ENTPD6: variants seen among roughly 807,000 people sequenced by gnomAD.
ENTPD6 encodes the protein ectonucleoside triphosphate diphosphohydrolase 6.
Under a neutral mutation model 61.5 loss-of-function variants are expected in ENTPD6, and 46 were observed. The ratio of observed to expected loss-of-function variants is 0.75; its 90% CI spans 0.59 to 0.96. The LOEUF (loss-of-function observed/expected upper bound fraction) is 0.96. Ranked by LOEUF, ENTPD6 falls within the 40% of genes least tolerant of loss-of-function variation. The probability of loss-of-function intolerance (pLI) is 0.00; values close to 1 mark genes in which losing one functional copy is unlikely to be tolerated. For synonymous variants in ENTPD6, 252 were observed against 255.5 expected (o/e 0.99, Z 0.13); for missense variants, 612 against 629.0 (o/e 0.97, Z 0.29).
intron 1 of ENTPD6, among the ~76,000 whole-genome samples, chr20:25,205,254 A>G (rs955818346): frequency 6.6e-6 from 1 of 152,078 alleles, no homozygotes; most frequent in Non-Finnish European, 1.5e-5. Flanking sequence ...TGGTGGGTAA[A>G]GGGAGCTCAG....
intron 1 of ENTPD6, among the ~76,000 whole-genome samples, chr20:25,198,269 A>C (rs966291074): frequency 6.6e-6 from 1 of 152,132 alleles, no homozygotes; most frequent in Admixed American, 6.5e-5. Context: ...TGAGGTCAGG[A>C]GTTCGAGACC....
At chr20:25,202,444 T>A (rs1199674558) in intron 1 of ENTPD6, among the ~76,000 whole-genome samples, 1 of 152,236 alleles carries the variant, frequency 6.6e-6, no homozygotes, top group East Asian at 1.9e-4. Context: ...ATATATATTT[T>A]ATAGCTTTTT....
chr20:25,223,994 C>A, intron 12 of ENTPD6, 107 bp from the exon 13 acceptor site: 1 of 1,023,062 alleles, frequency 9.8e-7, no homozygotes, highest in South Asian at 1.5e-5. Flanking sequence ...AGAAGCCAGT[C>A]AGTGCCTTGG....
chr20:25,216,161 G>A (rs893314315), intron 7 of ENTPD6, among the ~76,000 whole-genome samples: 2 of 152,354 alleles, frequency 1.3e-5, no homozygotes, highest in Middle Eastern at 3.4e-3. Flanking sequence ...TTTTCTTAGT[G>A]CATGTGGATT....
At chr20:25,215,821 C>G in intron 7 of ENTPD6, 110 bp downstream of exon 7, 1 of 1,164,078 alleles carries the variant, frequency 8.6e-7, no homozygotes. Context: ...GATAACCCCT[C>G]AGGGTTTGGC....
intron 13 of ENTPD6, 73 bp downstream of exon 13, chr20:25,224,230 T>G: frequency 1.4e-6 from 2 of 1,398,714 alleles, no homozygotes; most frequent in Non-Finnish European, 2.0e-6. Context: ...GCGCTGGCCC[T>G]GACTCTCCTG....
chr20:25,214,137 G>A (rs1432250046), intron 5 of ENTPD6, among the ~76,000 whole-genome samples: 49 of 152,158 alleles, frequency 3.2e-4, no homozygotes, highest in Admixed American at 2.7e-3. Context: ...GTCCCAGCAC[G>A]TCAGGGCCAA....
intron 5 of ENTPD6, among the ~76,000 whole-genome samples, chr20:25,214,259 C>T (rs1169327471): frequency 6.6e-6 from 1 of 152,230 alleles, no homozygotes; most frequent in African/African-American, 2.4e-5. Flanking sequence ...GGGTCCCTCA[C>T]AGGGTTGGAT....
At chr20:25,220,018 G>T (rs1040786232) in intron 10 of ENTPD6, among the ~76,000 whole-genome samples, 1 of 152,196 alleles carries the variant, frequency 6.6e-6, no homozygotes, top group Non-Finnish European at 1.5e-5. Context: ...GTGGTTCCCA[G>T]GGAGTCGTGG....
chr20:25,196,109 C>T (rs2090372591), intron 1 of ENTPD6: 1 of 1,146,816 alleles, frequency 8.7e-7, no homozygotes. Flanking sequence ...TAGCAGGGGC[C>T]TGTAGCCCCA....
chr20:25,217,672 C>A, intron 9 of ENTPD6, 91 bp downstream of exon 9: 1 of 1,100,332 alleles, frequency 9.1e-7, no homozygotes, highest in Non-Finnish European at 1.4e-6. Flanking sequence ...TCATGGATGG[C>A]AGATCTGGGA....
chr20:25,215,717 TG>T lies in ENTPD6; in HGVS notation c.709+7del. 1 of 1,614,196 alleles carries T rather than the reference TG, an allele frequency of 6.2e-7. No homozygotes were observed. The highest frequency in any genetic ancestry group is 8.5e-7 in the Non-Finnish European group (1 of 1,180,010). On this transcript the variant is annotated splice_region_variant and intron_variant, in intron 7 of 14. Coordinates refer to ENST00000376652, the MANE Select transcript of ENTPD6 (RefSeq NM_001247.5). ...CACCATCAACTTCCTGACAGGTGTGTGCACACTGCATCACAGAGGCTAGCCG... is the reference window on the plus strand; with the variant it reads ...CACCATCAACTTCCTGACAGGTGTGTCACACTGCATCACAGAGGCTAGCCG...
chr20:25,206,687 C>A, intron 2 of ENTPD6, 97 bp downstream of exon 2: 1 of 918,542 alleles, frequency 1.1e-6, no homozygotes, highest in East Asian at 2.4e-5. Flanking sequence ...GATTGAAAGA[C>A]TGAATCAGAT....
intron 2 of ENTPD6, 138 bp from the exon 3 acceptor site, chr20:25,206,938 A>G: frequency 1.3e-6 from 1 of 765,178 alleles, no homozygotes; most frequent in Non-Finnish European, 2.1e-6. Context: ...ATGAGGCTCA[A>G]ATGAAGCTTC....
intron 1 of ENTPD6, among the ~76,000 whole-genome samples, chr20:25,204,151 G>A (rs2091271206): frequency 6.6e-6 from 1 of 152,194 alleles, no homozygotes; most frequent in Non-Finnish European, 1.5e-5. Context: ...TTCTGGAATT[G>A]GGGTTTGGTG....
rs1458286590 is a variant in ENTPD6, at chr20:25,218,539, C to G, written c.879-11C>G. 6.2e-7 allele frequency: 1 copy of G among 1,600,842 alleles called. No homozygotes were observed. Among genetic ancestry groups the G allele is most frequent in the Non-Finnish European group, 8.5e-7 (1 of 1,175,988 alleles). On this transcript the variant is annotated splice_polypyrimidine_tract_variant and intron_variant, in intron 9 of 14. Coordinates refer to ENST00000376652, the MANE Select transcript of ENTPD6 (RefSeq NM_001247.5). ...ATGGCAGCTGCCCTCACTGAGGTGT[C>G]ATTCCCACAGCTACCTCGGGCTCGG...
chr20:25,206,492 A>G, intron 1 of ENTPD6, 30 bp from the exon 2 acceptor site: 1 of 1,564,756 alleles, frequency 6.4e-7, no homozygotes, highest in Non-Finnish European at 8.8e-7. Flanking sequence ...AGGCTTTGGA[A>G]GTACACAGAC....
In ENTPD6 at chr20:25,215,689, G is replaced by T; in HGVS notation, c.687G>T (p.Trp229Cys). The T allele has an allele frequency of 6.2e-7, 1 of 1,614,222 alleles. No individual in the cohort carries two copies. The highest frequency in any genetic ancestry group is 1.1e-5 in the South Asian group (1 of 91,084). ...MNGTDEGVSA[W>C]ITINFLTGSL... ...ACTCTCTTGCAGGCGTTTCGGCGTG[G>T]ATCACCATCAACTTCCTGACAGGTG... The change falls in exon 7 of 15, where the codon TGG (tryptophan) becomes TGT (cysteine). Residue 229 changes from tryptophan to cysteine, a missense_variant. Physicochemically the swap from Trp to Cys is radical, Grantham distance 215 (BLOSUM62 -2). Coordinates refer to ENST00000376652, the MANE Select transcript of ENTPD6 (RefSeq NM_001247.5).
chr20:25,206,575 G>GA lies in ENTPD6; in HGVS notation c.40dup (p.Ser14LysfsTer94). 1 of 1,613,572 alleles carries GA rather than the reference G, an allele frequency of 6.2e-7. No individual in the cohort carries two copies. The highest frequency in any genetic ancestry group is 8.5e-7 in the Non-Finnish European group (1 of 1,179,488). On this transcript the variant is annotated frameshift_variant, in exon 2 of 15. Coordinates refer to ENST00000376652, the MANE Select transcript of ENTPD6 (RefSeq NM_001247.5). LOFTEE classifies it high-confidence loss of function. ...TCCGTTATGAAACTTCCAGAAAAAC[G>GA]AGCTACATTTTTCAGGTTTGTCTGG...
Sources: gnomAD v4.1 joint callset for allele counts (sites outside exome capture counted in the v4.1 genomes callset) on GRCh38, gnomAD v4.1.1 for gene constraint, MANE v1.5 for transcripts, NCBI Gene and HGNC (gene_info 2026-07-23, HGNC 2026-07-21) for gene names.